EIF2B3: variants seen among roughly 807,000 people sequenced by gnomAD.
The protein encoded by EIF2B3 is eukaryotic translation initiation factor 2B subunit gamma.
Under a neutral mutation model 54.1 loss-of-function variants are expected in EIF2B3, and 20 were observed. That is an observed-to-expected ratio of 0.37 (90% CI 0.26 to 0.54). The LOEUF (loss-of-function observed/expected upper bound fraction) is 0.54. Ranked by LOEUF, EIF2B3 falls within the 20% of genes least tolerant of loss-of-function variation. EIF2B3 has a pLI of 0.86. For missense variants in EIF2B3, 448 were observed against 547.8 expected, an observed-to-expected ratio of 0.82 and a Z score of 1.82; for synonymous variants, 153 against 188.1, an observed-to-expected ratio of 0.81 and a Z score of 1.52.
At chr1:44,952,005 C>T (rs1413970649) in intron 3 of EIF2B3, among the ~76,000 whole-genome samples, 1 of 104,158 alleles carries the variant, frequency 9.6e-6, no homozygotes, top group East Asian at 3.7e-4. Flanking sequence ...CTCTGTTGCC[C>T]AGGCTGGAGT....
At chr1:44,966,018 C>T (rs868516802) in intron 3 of EIF2B3, among the ~76,000 whole-genome samples, 7 of 152,110 alleles carry the variant, frequency 4.6e-5, no homozygotes, top group South Asian at 4.1e-4. Flanking sequence ...GGAAGAGAAC[C>T]GGTTCAATCA....
intron 6 of EIF2B3, among the ~76,000 whole-genome samples, chr1:44,894,949 AC>A (rs1280931790): frequency 2.6e-5 from 4 of 152,044 alleles, no homozygotes; most frequent in Non-Finnish European, 4.4e-5. Flanking sequence ...ATCTCCCACA[AC>A]CTTTCAAAGA....
chr1:44,937,610 G>C (rs185002106), intron 4 of EIF2B3, among the ~76,000 whole-genome samples: 1 of 151,452 alleles, frequency 6.6e-6, no homozygotes, highest in Non-Finnish European at 1.5e-5. Context: ...CAGACCGGGC[G>C]CGGTGGCTCA....
Position 44,941,613 on chromosome 1 carries a change from T to C in EIF2B3, c.347A>G (p.Glu116Gly). The change falls in exon 4 of 12, where the codon GAG becomes GGG. Residue 116 changes from glutamate (E) to glycine (G), a missense_variant. Transcript: ENST00000360403. ...CDLITDVALHEVVDLFRAYDA... is the reference protein window; with the variant it reads ...CDLITDVALHGVVDLFRAYDA... ...ATAAGCTCTAAACAGGTCCACAACCTCATGTAAGGCAACGTCTGTTATCAG... is the reference window on the plus strand; with the variant it reads ...ATAAGCTCTAAACAGGTCCACAACCCCATGTAAGGCAACGTCTGTTATCAG... 6.2e-7 allele frequency: 1 copy of C among 1,614,040 alleles called. No homozygotes were observed. The highest frequency in any genetic ancestry group is 8.5e-7 in the Non-Finnish European group (1 of 1,180,018).
intron 3 of EIF2B3, among the ~76,000 whole-genome samples, chr1:44,976,397 T>C (rs564074091): frequency 6.6e-6 from 1 of 152,332 alleles, no homozygotes; most frequent in African/African-American, 2.4e-5. Flanking sequence ...CACAATGAGA[T>C]ACCACTACAT....
chr1:44,960,467 G>A (rs1020049376), intron 3 of EIF2B3, among the ~76,000 whole-genome samples: 29 of 152,064 alleles, frequency 1.9e-4, no homozygotes, highest in African/African-American at 6.7e-4. Context: ...GTGAAACCCC[G>A]TCTCTACTAA....
intron 3 of EIF2B3, among the ~76,000 whole-genome samples, chr1:44,945,885 A>T (rs561702695): frequency 5.9e-5 from 9 of 152,322 alleles, no homozygotes; most frequent in Admixed American, 3.3e-4. Context: ...AAGTTTACTG[A>T]TCTACAATAA....
intron 6 of EIF2B3, among the ~76,000 whole-genome samples, chr1:44,884,460 A>G (rs1157392196): frequency 6.6e-6 from 1 of 152,172 alleles, no homozygotes; most frequent in Non-Finnish European, 1.5e-5. Context: ...GGGTAAGGAA[A>G]ACTATGAACC....
chr1:44,971,066 G>C (rs1056320325), intron 3 of EIF2B3, among the ~76,000 whole-genome samples: 1 of 152,150 alleles, frequency 6.6e-6, no homozygotes, highest in African/African-American at 2.4e-5. Context: ...GGTGCAAGGG[G>C]AAGCCCTAAA....
At chr1:44,917,703 T>C (rs1051729904) in intron 5 of EIF2B3, among the ~76,000 whole-genome samples, 1 of 149,884 alleles carries the variant, frequency 6.7e-6, no homozygotes, top group African/African-American at 2.5e-5. Flanking sequence ...TATGCCCATT[T>C]GTAACTCTTT....
intron 3 of EIF2B3, among the ~76,000 whole-genome samples, chr1:44,967,006 G>C (rs1425477213): frequency 6.6e-6 from 1 of 151,716 alleles, no homozygotes; most frequent in African/African-American, 2.4e-5. Flanking sequence ...AGTAGAGATG[G>C]GGTTTCACCA....
At chr1:44,871,650 C>G (rs948380523) in intron 10 of EIF2B3, among the ~76,000 whole-genome samples, 9 of 152,124 alleles carry the variant, frequency 5.9e-5, no homozygotes, top group African/African-American at 2.2e-4. Flanking sequence ...AAGGCACTTA[C>G]ATTCTGAAAC....
chr1:44,948,087 C>A (rs973980533), intron 3 of EIF2B3, among the ~76,000 whole-genome samples: 2 of 152,174 alleles, frequency 1.3e-5, no homozygotes, highest in Non-Finnish European at 2.9e-5. Context: ...GGAAAAGATT[C>A]CAGTCTATAG....
chr1:44,893,579 G>T (rs1287179920), intron 6 of EIF2B3, among the ~76,000 whole-genome samples: 1 of 152,156 alleles, frequency 6.6e-6, no homozygotes, highest in African/African-American at 2.4e-5. Context: ...CCTAATGAGA[G>T]AACTATTGTA....
intron 5 of EIF2B3, among the ~76,000 whole-genome samples, chr1:44,912,176 G>A (rs972960702): frequency 2.0e-5 from 3 of 152,042 alleles, no homozygotes; most frequent in African/African-American, 7.3e-5. Flanking sequence ...TAATGTCTAG[G>A]GCTGCTATCT....
intron 2 of EIF2B3, among the ~76,000 whole-genome samples, chr1:44,980,119 C>T (rs1414616840): frequency 6.6e-6 from 1 of 152,108 alleles, no homozygotes; most frequent in Non-Finnish European, 1.5e-5. Flanking sequence ...ACACCTCAAA[C>T]TCAATGTGAC....
chr1:44,941,358 G>C (rs1644018997), intron 4 of EIF2B3, 148 bp downstream of exon 4: 1 of 878,934 alleles, frequency 1.1e-6, no homozygotes, highest in African/African-American at 1.7e-5. Context: ...TTCAGGGACT[G>C]TGTCTTATTT....
At chr1:44,980,651 A>T (rs561535764) in intron 2 of EIF2B3, among the ~76,000 whole-genome samples, 1 of 152,272 alleles carries the variant, frequency 6.6e-6, no homozygotes, top group African/African-American at 2.4e-5. Flanking sequence ...ATAACCTGGT[A>T]CTTACATCAA....
Position 44,850,685 on chromosome 1 carries a change from G to A in EIF2B3, c.*266C>T, listed in dbSNP as rs942276440. ...TACATTGGACAGCTGCTGCCCCACCGATACATCTTGGCACACAAGAGTTAG... is the reference window on the plus strand; with the variant it reads ...TACATTGGACAGCTGCTGCCCCACCAATACATCTTGGCACACAAGAGTTAG... On this transcript the variant is annotated 3_prime_UTR_variant, in exon 12 of 12. Coordinates refer to ENST00000360403, the MANE Select transcript of EIF2B3 (RefSeq NM_020365.5). 1.5e-4 allele frequency: 79 copies of A among 532,088 alleles called. No individual in the cohort carries two copies. The highest frequency in any genetic ancestry group is 5.7e-5 in the African/African-American group (3 of 52,448). The allele number at this position is 532,088 out of a possible 1,614,324, so 33.0% of individuals were successfully genotyped here.
Sources: allele counts gnomAD v4.1 joint callset (sites outside exome capture counted in the v4.1 genomes callset), GRCh38; gene constraint gnomAD v4.1.1; transcripts MANE v1.5; gene names NCBI Gene and HGNC (gene_info 2026-07-23, HGNC 2026-07-21).